The following PDE4D variants were observed in gnomAD, a reference collection of about 807,000 sequenced individuals.
The protein encoded by PDE4D is phosphodiesterase 4D, also known as 3',5'-cyclic-AMP phosphodiesterase 4D.
Under a neutral mutation model 87.4 loss-of-function variants are expected in PDE4D, and 24 were observed. That is an observed-to-expected ratio of 0.27 (90% CI 0.20 to 0.39). PDE4D has a LOEUF of 0.39. PDE4D is among the 10% of genes least tolerant of loss of function. The pLI is 1.00. For synonymous variants in PDE4D, 384 were observed against 383.2 expected (o/e 1.00, Z -0.02); for missense variants, 714 against 1,041.0 (o/e 0.69, Z 4.32).
chr5:59,395,588 CCAT>C (rs1292292548), intron 1 of PDE4D, among the ~76,000 whole-genome samples: 2 of 149,400 alleles, frequency 1.3e-5, no homozygotes, highest in Admixed American at 6.7e-5. Context: ...CTGTACATCA[CCAT>C]CATCAAAGAC....
intron 1 of PDE4D, among the ~76,000 whole-genome samples, chr5:59,799,196 C>A (rs1486630069): frequency 2.0e-5 from 3 of 152,212 alleles, no homozygotes; most frequent in Non-Finnish European, 4.4e-5. Flanking sequence ...ACACCCCCAG[C>A]CCCTGCACTG....
In PDE4D at chr5:59,071,032, G is replaced by A. The variant is rs139308629; in HGVS notation, c.809-32061C>T. Among the ~76,000 whole-genome samples, 67 of 152,148 alleles carry A rather than the reference G, an allele frequency of 4.4e-4. No homozygotes were observed. In the East Asian group the frequency reaches 4.8e-3, roughly 11 times the overall value. On this transcript the variant is annotated intron_variant, in intron 5 of 14. Transcript: ENST00000340635. Reference sequence around the variant, plus strand: ...TCAGAGATACATTTTTTAAAGGCTCGCACCTCAGAAATAATCTTTATTCCA... The same window carrying A: ...TCAGAGATACATTTTTTAAAGGCTCACACCTCAGAAATAATCTTTATTCCA...
chr5:59,223,116 G>C (rs1380835906), intron 1 of PDE4D, among the ~76,000 whole-genome samples: 1 of 152,184 alleles, frequency 6.6e-6, no homozygotes, highest in Non-Finnish European at 1.5e-5. Context: ...GCTGGAGCCA[G>C]ATTGCTCTAA....
intron 5 of PDE4D, among the ~76,000 whole-genome samples, chr5:59,163,654 C>A (rs1781487812): frequency 6.6e-6 from 1 of 152,216 alleles, no homozygotes; most frequent in African/African-American, 2.4e-5. Context: ...CAAATTTAAT[C>A]TTTTCCTCTT....
intron 2 of PDE4D, among the ~76,000 whole-genome samples, chr5:60,097,870 A>G (rs1775831825): frequency 4.6e-5 from 7 of 151,954 alleles, no homozygotes; most frequent in Admixed American, 3.9e-4. Context: ...GGAACTAGAT[A>G]TTTACCTGCT....
chr5:59,975,632 G>A (rs958892246), intron 3 of PDE4D, among the ~76,000 whole-genome samples: 2 of 152,004 alleles, frequency 1.3e-5, no homozygotes, highest in Non-Finnish European at 1.5e-5. Flanking sequence ...CCAACTGTTT[G>A]CCTTTTCAGT....
intron 1 of PDE4D, among the ~76,000 whole-genome samples, chr5:60,185,909 A>G (rs1214993762): frequency 6.6e-6 from 1 of 150,596 alleles, no homozygotes; most frequent in African/African-American, 2.4e-5. Context: ...TTTCCATTAA[A>G]TATTCAACTC....
intron 2 of PDE4D, among the ~76,000 whole-genome samples, chr5:60,047,282 C>T (rs1298950262): frequency 1.3e-4 from 20 of 152,096 alleles, no homozygotes; most frequent in East Asian, 1.2e-3. Flanking sequence ...GTCTTGCTAG[C>T]GGTTTATCAA....
rs1017408522 is a variant in PDE4D, at chr5:59,932,197, G to A, written c.272+56291C>T. ...TTATGATAGTATAAATAGAAAATAG[G>A]ATTTTTATAACTTAAGTTGTCTCCT... On this transcript the variant is annotated intron_variant, in intron 3 of 16. Coordinates refer to the PDE4D transcript ENST00000502484. Among the ~76,000 whole-genome samples the A allele has an allele frequency of 8.5e-5, 13 of 152,246 alleles. 1 individual carries two copies. The highest frequency in any genetic ancestry group is 1.6e-4 in the Non-Finnish European group (11 of 68,006).
intron 1 of PDE4D, among the ~76,000 whole-genome samples, chr5:59,833,679 G>A (rs562824501): frequency 6.6e-6 from 1 of 152,046 alleles, no homozygotes; most frequent in South Asian, 2.1e-4. Flanking sequence ...GTCGGTCAGG[G>A]TGGTGATGTG....
chr5:59,015,697 A>AC (rs1437408111), intron 6 of PDE4D, among the ~76,000 whole-genome samples: 1 of 152,220 alleles, frequency 6.6e-6, no homozygotes, highest in Non-Finnish European at 1.5e-5. Context: ...TAGTTCAACC[A>AC]TTGTGGAAGA....
intron 1 of PDE4D, among the ~76,000 whole-genome samples, chr5:59,366,907 A>T (rs2153596430): frequency 6.6e-6 from 1 of 152,334 alleles, no homozygotes; most frequent in African/African-American, 2.4e-5. Context: ...AGTGACAGAG[A>T]AAACCTAATT....
At chr5:59,974,852 C>A (rs1581992934) in intron 3 of PDE4D, among the ~76,000 whole-genome samples, 1 of 152,170 alleles carries the variant, frequency 6.6e-6, no homozygotes, top group Admixed American at 6.5e-5. Flanking sequence ...CAATCAGTTT[C>A]TCTGGATCCC....
At chr5:59,401,188 T>C (rs936287090) in intron 1 of PDE4D, among the ~76,000 whole-genome samples, 1 of 152,262 alleles carries the variant, frequency 6.6e-6, no homozygotes, top group African/African-American at 2.4e-5. Flanking sequence ...CTCACACCTG[T>C]ATTCTCAGCC....
At chr5:59,812,627 C>T (rs143488992) in intron 1 of PDE4D, among the ~76,000 whole-genome samples, 33 of 151,530 alleles carry the variant, frequency 2.2e-4, no homozygotes, top group Admixed American at 5.9e-4. Context: ...GAGCCAAGAT[C>T]GTGTCACTGT....
chr5:59,013,730 G>A (rs998435921), intron 6 of PDE4D, among the ~76,000 whole-genome samples: 3 of 152,064 alleles, frequency 2.0e-5, no homozygotes, highest in Non-Finnish European at 4.4e-5. Flanking sequence ...AGAGGAGTTG[G>A]TAACATTCCT....
At chr5:59,432,385 C>T (rs1410659199) in intron 1 of PDE4D, among the ~76,000 whole-genome samples, 1 of 151,980 alleles carries the variant, frequency 6.6e-6, no homozygotes, top group Non-Finnish European at 1.5e-5. Context: ...TTCAATGAGT[C>T]CTTTATTGAC....
At chr5:60,417,268 G>C (rs1224400526) in intron 1 of PDE4D, among the ~76,000 whole-genome samples, 1 of 152,184 alleles carries the variant, frequency 6.6e-6, no homozygotes, top group African/African-American at 2.4e-5. Flanking sequence ...TCACGGATGA[G>C]AGAACTGAGA....
At chr5:59,710,653 C>T (rs1385556693) in intron 1 of PDE4D, among the ~76,000 whole-genome samples, 1 of 152,022 alleles carries the variant, frequency 6.6e-6, no homozygotes, top group African/African-American at 2.4e-5. Context: ...GATTGTAAAT[C>T]CTATAAATGT....
Sources: allele counts gnomAD v4.1 joint callset (sites outside exome capture counted in the v4.1 genomes callset), GRCh38; gene constraint gnomAD v4.1.1; transcripts MANE v1.5; gene names NCBI Gene and HGNC (gene_info 2026-07-23, HGNC 2026-07-21).